Variants in DMD observed in about 807,000 individuals in gnomAD.
DMD encodes the protein dystrophin.
In DMD, 63 loss-of-function variants were observed where a neutral mutation model predicts 330.1. The ratio of observed to expected loss-of-function variants is 0.19; its 90% CI spans 0.16 to 0.24. DMD has a LOEUF of 0.24. Ranked by LOEUF, DMD falls within the 10% of genes least tolerant of loss-of-function variation. DMD has a pLI of 1.00. For missense variants in DMD, 3,344 were observed against 2,684.1 expected (o/e 1.25, Z -5.43); for synonymous variants, 1,223 against 959.8 (o/e 1.27, Z -5.07).
chrX:33,253,826 C>A (rs2052810863), intron 1 of DMD, among the ~76,000 whole-genome samples: 1 of 110,617 alleles, frequency 9.0e-6, no homozygotes, highest in Non-Finnish European at 1.9e-5. Context: ...AACTCTAATC[C>A]CCATTCTTAG....
intron 60 of DMD, among the ~76,000 whole-genome samples, chrX:31,405,218 G>T (rs912026155): frequency 4.5e-5 from 5 of 111,803 alleles, no homozygotes; most frequent in African/African-American, 6.5e-5. Flanking sequence ...AGGCAAGAGT[G>T]ATATTTAAAA....
At chrX:32,893,127 A>G (rs768051679) in intron 2 of DMD, among the ~76,000 whole-genome samples, 2 of 112,307 alleles carry the variant, frequency 1.8e-5, no homozygotes, top group Non-Finnish European at 3.8e-5. Flanking sequence ...TCAATTATTC[A>G]TAAAATTACA....
intron 41 of DMD, among the ~76,000 whole-genome samples, chrX:32,336,267 C>T (rs1165426766): frequency 3.6e-5 from 4 of 111,069 alleles, no homozygotes; most frequent in Non-Finnish European, 7.6e-5. Context: ...CCGCCCACCT[C>T]GGCCTCACAA....
intron 42 of DMD, among the ~76,000 whole-genome samples, chrX:32,289,513 C>A (rs972474183): frequency 9.0e-6 from 1 of 110,804 alleles, no homozygotes; most frequent in African/African-American, 3.3e-5. Flanking sequence ...GGAGGTTGGG[C>A]ATTCTTAGTC....
intron 2 of DMD, among the ~76,000 whole-genome samples, chrX:32,866,768 C>G (rs890301717): frequency 1.0e-5 from 1 of 99,198 alleles, no homozygotes; most frequent in Non-Finnish European, 2.0e-5. Flanking sequence ...GAGTTTCACT[C>G]TTTCGCCCAG....
intron 44 of DMD, among the ~76,000 whole-genome samples, chrX:32,099,959 A>T (rs1304553856): frequency 3.6e-5 from 4 of 110,153 alleles, no homozygotes; most frequent in Non-Finnish European, 7.6e-5. Context: ...AAATAAACTA[A>T]TCTGGCTCAC....
At chrX:32,579,083 T>G (rs2053373472) in intron 13 of DMD, among the ~76,000 whole-genome samples, 1 of 111,296 alleles carries the variant, frequency 9.0e-6, no homozygotes, top group Non-Finnish European at 1.9e-5. Context: ...GAGGCAGAAA[T>G]GTGGCAGAGT....
chrX:32,614,279 G>A (rs1286561516), intron 12 of DMD, 24 bp downstream of exon 12: 2 of 1,205,968 alleles, frequency 1.7e-6, no homozygotes, highest in Non-Finnish European at 2.2e-6. Flanking sequence ...CTAGTAGAAA[G>A]CACGCAACAT....
rs760738394 is a variant in DMD at position 31,379,986 on chromosome X, G to A, written c.9085-31352C>T. ...TAGTGGCTGAAGACTGACGCTGCCC[G>A]ATTGCCTCAGAAGCCCCCTAGACCA... On this transcript the variant is annotated intron_variant, in intron 60 of 78. Transcript: ENST00000357033. 1.3e-4 allele frequency among the ~76,000 whole-genome samples: 15 copies of A among 111,417 alleles called. 1 individual carries two copies. In the South Asian group the frequency reaches 5.0e-3, roughly 37 times the overall value.
chrX:31,417,627 G>A (rs2061941534), intron 60 of DMD, among the ~76,000 whole-genome samples: 1 of 110,891 alleles, frequency 9.0e-6, no homozygotes, highest in Admixed American at 9.6e-5. Flanking sequence ...ATGTGGCATA[G>A]CTTCTGATAG....
intron 44 of DMD, among the ~76,000 whole-genome samples, chrX:32,031,642 T>TAA (rs1569534324): frequency 8.9e-6 from 1 of 112,300 alleles, no homozygotes; most frequent in Non-Finnish European, 1.9e-5. Flanking sequence ...AAATACTCTT[T>TAA]AAGCAATCTC....
At chrX:31,277,705 T>G (rs1009686411) in intron 62 of DMD, among the ~76,000 whole-genome samples, 1 of 111,817 alleles carries the variant, frequency 8.9e-6, no homozygotes, top group Non-Finnish European at 1.9e-5. Context: ...TGCAGCTTTC[T>G]GATGACCTGG....
chrX:32,835,847 A>G (rs941012489), intron 4 of DMD, among the ~76,000 whole-genome samples: 5 of 111,542 alleles, frequency 4.5e-5, no homozygotes, highest in African/African-American at 1.6e-4. Context: ...GAAATTACCA[A>G]AAAGTATCAT....
At chrX:31,795,784 G>C (rs2091798201) in intron 50 of DMD, among the ~76,000 whole-genome samples, 1 of 111,955 alleles carries the variant, frequency 8.9e-6, no homozygotes, top group Non-Finnish European at 1.9e-5. Context: ...AATATGGAGA[G>C]AGAAGCACAT....
intron 30 of DMD, among the ~76,000 whole-genome samples, chrX:32,396,903 T>C (rs1169072964): frequency 1.8e-5 from 2 of 111,306 alleles, no homozygotes; most frequent in Admixed American, 9.7e-5. Flanking sequence ...AGAACTGTAT[T>C]CTGGAACCAC....
chrX:31,687,651 C>T (rs2082775767), intron 52 of DMD, among the ~76,000 whole-genome samples: 2 of 112,009 alleles, frequency 1.8e-5, no homozygotes, highest in Non-Finnish European at 3.8e-5. Flanking sequence ...TAGAATAGAA[C>T]ATGAGGTAAA....
intron 12 of DMD, among the ~76,000 whole-genome samples, chrX:32,601,325 C>T (rs1448227072): frequency 8.9e-6 from 1 of 111,788 alleles, no homozygotes; most frequent in African/African-American, 3.2e-5. Flanking sequence ...TATTCACTTA[C>T]TTAAATGTGA....
chrX:32,554,477 T>C (rs2049937086), intron 16 of DMD, among the ~76,000 whole-genome samples: 1 of 111,099 alleles, frequency 9.0e-6, no homozygotes, highest in African/African-American at 3.3e-5. Flanking sequence ...CATCAGGGAA[T>C]ACTATAAACA....
chrX:32,771,104 G>A (rs1157380727), intron 7 of DMD, among the ~76,000 whole-genome samples: 1 of 111,953 alleles, frequency 8.9e-6, no homozygotes, highest in Non-Finnish European at 1.9e-5. Context: ...TAGAAGTGAA[G>A]GCATGGAGAG....
Sources: allele counts gnomAD v4.1 joint callset (sites outside exome capture counted in the v4.1 genomes callset), GRCh38; gene constraint gnomAD v4.1.1; transcripts MANE v1.5; gene names NCBI Gene and HGNC (gene_info 2026-07-23, HGNC 2026-07-21).